UVSSA: variants seen among roughly 807,000 people sequenced by gnomAD.
UVSSA encodes UV-stimulated scaffold protein A.
UVSSA carries 72 observed loss-of-function variants against 73.9 expected under a neutral mutation model. The observed-to-expected ratio is 0.97, with a 90% CI of 0.81 to 1.19. UVSSA has a LOEUF of 1.19. Ranked by LOEUF, UVSSA falls within the 50% of genes most tolerant of loss-of-function variation. The probability of loss-of-function intolerance (pLI) is 0.00; values close to 1 mark genes in which losing one functional copy is unlikely to be tolerated. For synonymous variants in UVSSA, 454 were observed against 391.3 expected (o/e 1.16, Z -1.89); for missense variants, 1,150 against 965.0 (o/e 1.19, Z -2.54).
chr4:1,380,944 G>A lies in UVSSA; in HGVS notation c.1817G>A (p.Arg606Lys), dbSNP rs1403378520. ...DEGRPLDPED[R>K]AREQRRQLQK... ...GGACGGCCGCTCGACCCGGAAGACA[G>A]GGCTCGTGAGCAGCGGCGGCAGCTG... is the stretch of plus-strand genomic sequence containing the variant. The change falls in exon 12 of 14, where the codon AGG (arginine) becomes AAG (lysine). Residue 606 changes from arginine (R) to lysine (K), a missense_variant. Coordinates refer to ENST00000389851, the MANE Select transcript of UVSSA (RefSeq NM_020894.4). The A allele has an allele frequency of 6.2e-7, 1 of 1,612,918 alleles. No homozygotes were observed. The highest frequency in any genetic ancestry group is 8.5e-7 in the Non-Finnish European group (1 of 1,179,970).
chr4:1,355,024 C>T (rs538805101), intron 6 of UVSSA, 93 bp from the exon 7 acceptor site: 56 of 1,559,524 alleles, frequency 3.6e-5, no homozygotes, highest in Middle Eastern at 1.7e-4. Flanking sequence ...AGGGACCCCC[C>T]GGGCCAGTGG....
chr4:1,378,482 C>T (rs1039543277), intron 10 of UVSSA, among the ~76,000 whole-genome samples: 17 of 152,242 alleles, frequency 1.1e-4, no homozygotes, highest in African/African-American at 3.9e-4. Flanking sequence ...ACCCAGGAGG[C>T]GGAGTTTGCA....
intron 8 of UVSSA, among the ~76,000 whole-genome samples, chr4:1,373,523 A>G (rs999454578): frequency 5.3e-5 from 8 of 152,054 alleles, no homozygotes; most frequent in South Asian, 2.1e-4. Context: ...CTTCAATCCA[A>G]TCAAGTTGAT....
intron 7 of UVSSA, chr4:1,359,537 T>C (rs1223491433): frequency 6.6e-6 from 1 of 152,218 alleles, no homozygotes; most frequent in Non-Finnish European, 1.5e-5. Context: ...TTAAGCATCG[T>C]TCTCTTTAGT....
At chr4:1,354,954 T>C in intron 6 of UVSSA, 107 bp downstream of exon 6, 2 of 1,534,294 alleles carry the variant, frequency 1.3e-6, no homozygotes, top group Non-Finnish European at 1.8e-6. Context: ...TGAATGGCCC[T>C]TAACCCGCGA....
At chr4:1,358,799 A>G (rs1340215447) in intron 7 of UVSSA, among the ~76,000 whole-genome samples, 1 of 152,234 alleles carries the variant, frequency 6.6e-6, no homozygotes, top group East Asian at 1.9e-4. Context: ...GTGTCTCCCC[A>G]TTTAGCACGG....
chr4:1,372,858 C>CTCAGGGCACTCA lies in UVSSA; in HGVS notation c.1289-2506_1289-2505insTCAGGGCACTCA, dbSNP rs1560469388. ...GTCTCAGGGCACTCACCTCCCGCGT[C>CTCAGGGCACTCA]CCTGCACTCACCTCCCGCGTCTCAG... On this transcript the variant is annotated intron_variant, in intron 8 of 13. Coordinates refer to ENST00000389851, the MANE Select transcript of UVSSA (RefSeq NM_020894.4). Among the ~76,000 whole-genome samples the CTCAGGGCACTCA allele has an allele frequency of 1.6e-4, 16 of 102,588 alleles. 3 individuals carry two copies. The highest frequency in any genetic ancestry group is 1.9e-4 in the Admixed American group (2 of 10,452). 67.3% of individuals were successfully genotyped at this position (102,588 alleles called of 152,430 possible).
chr4:1,356,569 C>T (rs1299234266), intron 7 of UVSSA: 1 of 152,246 alleles, frequency 6.6e-6, no homozygotes, highest in Admixed American at 6.5e-5. Context: ...TTTTGCAATG[C>T]GAAAGGATGC....
chr4:1,351,050 C>G (rs1186186870), intron 3 of UVSSA, among the ~76,000 whole-genome samples: 1 of 152,024 alleles, frequency 6.6e-6, no homozygotes, highest in Non-Finnish European at 1.5e-5. Context: ...GGACTACAGG[C>G]ACACGCCACC....
chr4:1,379,391 G>C (rs1719162941), intron 10 of UVSSA, among the ~76,000 whole-genome samples: 1 of 152,222 alleles, frequency 6.6e-6, no homozygotes, highest in Non-Finnish European at 1.5e-5. Flanking sequence ...CTCTTGGCCG[G>C]CACACCCAGC....
At chr4:1,353,676 G>A (rs532916077) in intron 5 of UVSSA, among the ~76,000 whole-genome samples, 106 of 152,318 alleles carry the variant, frequency 7.0e-4, no homozygotes, top group African/African-American at 2.5e-3. Flanking sequence ...GCAGAGTAAG[G>A]ACCCACAGGA....
chr4:1,375,616 C>A, intron 9 of UVSSA, 108 bp downstream of exon 9: 1 of 1,491,434 alleles, frequency 6.7e-7, no homozygotes, highest in Non-Finnish European at 8.9e-7. Context: ...TTCTGGATAT[C>A]TTGGTGGAAG....
At chr4:1,390,208 T>A (rs1042734289), downstream of UVSSA, 2 of 151,938 alleles carry the variant, frequency 1.3e-5, no homozygotes, top group African/African-American at 4.9e-5. Flanking sequence ...ATTTTTCTGG[T>A]GATTTCTTCT....
chr4:1,354,013 C>T (rs1715242745), intron 5 of UVSSA, among the ~76,000 whole-genome samples: 1 of 152,156 alleles, frequency 6.6e-6, no homozygotes. Context: ...AGGCTGGGGC[C>T]CTTTGCGTAT....
rs753486294 is a variant in UVSSA, at chr4:1,383,805, C to A, written c.1901C>A (p.Ala634Asp). The A allele has an allele frequency of 1.1e-5, 18 of 1,613,678 alleles. No homozygotes were observed. The South Asian group carries it at 1.9e-4, about 17-fold the overall frequency. ...GAGTTGATGAGAGACGTGGAAGCAG[C>A]CACAGGGCAGGATCTCGGCTCATCC... ...DPELMRDVEA[A>D]TGQDLGSSRY... Residue 634 changes from alanine to aspartate, a missense_variant, in exon 13 of 14, where the codon GCC becomes GAC. Ala to Asp is a moderately radical substitution (Grantham distance 126). Transcript: ENST00000389851.
chr4:1,364,467 CAG>C (rs905788533), intron 7 of UVSSA, among the ~76,000 whole-genome samples: 1 of 152,238 alleles, frequency 6.6e-6, no homozygotes, highest in Non-Finnish European at 1.5e-5. Flanking sequence ...CCCTAGGGGT[CAG>C]GGGTCAGGCC....
chr4:1,394,392 T>A lies in UVSSA; in HGVS notation c.*8431T>A. On this transcript the variant is annotated 3_prime_UTR_variant, in exon 14 of 14. Coordinates refer to the UVSSA transcript ENST00000511216. ...TTTTCCATGTTTTCTTCTAGTACTT[T>A]TATGGGTTTCATTTTCATATTGAAA... The A allele has an allele frequency of 1.3e-6, 2 of 1,496,444 alleles. 1 individual carries two copies. Among genetic ancestry groups the A allele is most frequent in the South Asian group, 2.5e-5 (2 of 79,760 alleles). 92.7% of individuals were successfully genotyped at this position (1,496,444 alleles called of 1,614,324 possible).
At chr4:1,362,978 T>C (rs1251758180) in intron 7 of UVSSA, among the ~76,000 whole-genome samples, 1 of 152,182 alleles carries the variant, frequency 6.6e-6, no homozygotes, top group Non-Finnish European at 1.5e-5. Context: ...ATGTTGGAGG[T>C]GACCGCACTG....
intron 8 of UVSSA, among the ~76,000 whole-genome samples, chr4:1,369,716 C>T (rs764812520): frequency 2.0e-5 from 3 of 152,254 alleles, no homozygotes; most frequent in Admixed American, 6.5e-5. Context: ...CCCCCCTCTC[C>T]GTTTCCTACC....
Sources: allele counts gnomAD v4.1 joint callset (sites outside exome capture counted in the v4.1 genomes callset), GRCh38; gene constraint gnomAD v4.1.1; transcripts MANE v1.5; gene names NCBI Gene and HGNC (gene_info 2026-07-23, HGNC 2026-07-21).